The following NRXN1 variants were observed in gnomAD, a reference collection of about 807,000 sequenced individuals.
The protein encoded by NRXN1 is neurexin-1.
Under a neutral mutation model 150.9 loss-of-function variants are expected in NRXN1, and 39 were observed. The ratio of observed to expected loss-of-function variants is 0.26; its 90% CI spans 0.20 to 0.34. NRXN1 has a LOEUF of 0.34. Among genes scored for constraint, NRXN1 ranks in the 10% least tolerant of loss-of-function variants. The pLI is 1.00. For synonymous variants in NRXN1, 924 were observed against 757.0 expected, an observed-to-expected ratio of 1.22 and a Z score of -3.62; for missense variants, 1,815 against 1,949.9, an observed-to-expected ratio of 0.93 and a Z score of 1.30.
intron 5 of NRXN1, among the ~76,000 whole-genome samples, chr2:50,725,569 G>A (rs1444860127): frequency 1.3e-5 from 2 of 152,070 alleles, no homozygotes; most frequent in East Asian, 1.9e-4. Flanking sequence ...GGTGTTAACT[G>A]GGTAATTTTT....
chr2:50,181,201 CT>C (rs1324749878), intron 18 of NRXN1, among the ~76,000 whole-genome samples: 2 of 151,688 alleles, frequency 1.3e-5, no homozygotes, highest in Non-Finnish European at 2.9e-5. Context: ...AAAGAGAAGT[CT>C]TAACTATCTT....
intron 19 of NRXN1, among the ~76,000 whole-genome samples, chr2:50,057,454 T>G: frequency 6.6e-6 from 1 of 152,204 alleles, no homozygotes; most frequent in East Asian, 1.9e-4. Context: ...CAGGTTACAT[T>G]AGGACACTTG....
At chr2:50,355,283 T>G (rs1189360748) in intron 17 of NRXN1, among the ~76,000 whole-genome samples, 1 of 93,058 alleles carries the variant, frequency 1.1e-5, no homozygotes, top group African/African-American at 6.5e-5. Flanking sequence ...ATACAATATT[T>G]ATATATACAT....
At chr2:50,617,609 G>A (rs1170261414) in intron 8 of NRXN1, among the ~76,000 whole-genome samples, 1 of 152,156 alleles carries the variant, frequency 6.6e-6, no homozygotes, top group Non-Finnish European at 1.5e-5. Flanking sequence ...AGACAGAGTT[G>A]GAAAGTGTCC....
chr2:50,395,098 T>A (rs576648157), intron 17 of NRXN1, among the ~76,000 whole-genome samples: 21 of 152,220 alleles, frequency 1.4e-4, no homozygotes, highest in African/African-American at 4.8e-4. Flanking sequence ...TATTATATTA[T>A]ACTCACATCA....
At chr2:50,228,580 T>C (rs997146142) in intron 18 of NRXN1, among the ~76,000 whole-genome samples, 3 of 152,010 alleles carry the variant, frequency 2.0e-5, no homozygotes, top group African/African-American at 4.8e-5. Flanking sequence ...GGGATGGAGA[T>C]GTGTCTTTGG....
At chr2:50,550,130 T>G (rs976640709) in intron 9 of NRXN1, among the ~76,000 whole-genome samples, 3 of 152,210 alleles carry the variant, frequency 2.0e-5, no homozygotes, top group African/African-American at 4.8e-5. Context: ...AATTCCTCAT[T>G]TCTAAGTGAA....
At chr2:50,273,037 AAAG>A (rs1445235785) in intron 17 of NRXN1, among the ~76,000 whole-genome samples, 1 of 152,192 alleles carries the variant, frequency 6.6e-6, no homozygotes, top group East Asian at 1.9e-4. Flanking sequence ...AAAAATTTTA[AAAG>A]AAGTGGCTCT....
intron 17 of NRXN1, among the ~76,000 whole-genome samples, chr2:50,461,554 A>G (rs1416062473): frequency 1.3e-5 from 2 of 152,000 alleles, no homozygotes; most frequent in Non-Finnish European, 2.9e-5. Flanking sequence ...ATTGTGTAGC[A>G]CACTGGTGTG....
intron 2 of NRXN1, among the ~76,000 whole-genome samples, chr2:50,981,399 A>G (rs1442569835): frequency 7.0e-6 from 1 of 142,134 alleles, no homozygotes; most frequent in Non-Finnish European, 1.5e-5. Flanking sequence ...CAGAGGTTGC[A>G]GTCAGCCAAG....
chr2:50,443,934 C>T (rs2086183429), intron 17 of NRXN1, among the ~76,000 whole-genome samples: 3 of 151,962 alleles, frequency 2.0e-5, no homozygotes, highest in Admixed American at 1.3e-4. Context: ...TGTTTAATTA[C>T]AAAAATGTAC....
Position 50,347,536 on chromosome 2 carries a change from T to TC in NRXN1, c.3365-110567dup. 9.7e-7 allele frequency: 1 copy of TC among 1,032,940 alleles called. No homozygotes were observed. The highest frequency in any genetic ancestry group is 1.2e-6 in the Non-Finnish European group (1 of 858,330). 64.0% of individuals were successfully genotyped at this position (1,032,940 alleles called of 1,614,324 possible). On this transcript the variant is annotated intron_variant, in intron 17 of 22. Coordinates refer to ENST00000401669, the MANE Select transcript of NRXN1 (RefSeq NM_001330078.2). The surrounding 1 kb of genome is among the most constrained non-coding windows in gnomAD (Gnocchi z 4.9). ...GCCGGCTCGCCCGCTAGCGCCAGCCTCCCCCGGGCAGCGCGCGGAGCAGCG... is the reference window on the plus strand; with the variant it reads ...GCCGGCTCGCCCGCTAGCGCCAGCCTCCCCCCGGGCAGCGCGCGGAGCAGCG...
intron 5 of NRXN1, among the ~76,000 whole-genome samples, chr2:50,721,212 G>A (rs1213786030): frequency 6.6e-6 from 1 of 152,078 alleles, no homozygotes; most frequent in African/African-American, 2.4e-5. Context: ...CCCAATCACA[G>A]AGCAGGGTGC....
chr2:50,355,760 G>A (rs558281017), intron 17 of NRXN1, among the ~76,000 whole-genome samples: 2 of 152,220 alleles, frequency 1.3e-5, no homozygotes, highest in East Asian at 1.9e-4. Context: ...AAAAAAGAGT[G>A]AGGATATGTA....
intron 17 of NRXN1, among the ~76,000 whole-genome samples, chr2:50,450,760 ACACAGTG>A (rs1361594994): frequency 1.3e-5 from 2 of 152,184 alleles, no homozygotes; most frequent in African/African-American, 4.8e-5. Flanking sequence ...TTAAAGTCAC[ACACAGTG>A]CAGGTATCAG....
chr2:50,810,926 G>A (rs181685077), intron 5 of NRXN1, among the ~76,000 whole-genome samples: 387 of 152,000 alleles, frequency 2.5e-3, no homozygotes, highest in African/African-American at 8.9e-3. Context: ...ATTGCAGTGA[G>A]CTGAGATCAC....
intron 13 of NRXN1, among the ~76,000 whole-genome samples, chr2:50,503,244 G>A (rs898050198): frequency 9.9e-5 from 15 of 151,624 alleles, no homozygotes; most frequent in Admixed American, 8.5e-4. Context: ...GGAGGCGGAG[G>A]CTGCAGTGAG....
intron 2 of NRXN1, among the ~76,000 whole-genome samples, chr2:50,994,058 G>A (rs1698928028): frequency 1.3e-5 from 2 of 151,872 alleles, no homozygotes; most frequent in South Asian, 4.2e-4. Context: ...GCCAGACATG[G>A]TTCTAAATCT....
chr2:50,248,107 G>C (rs970831372), intron 17 of NRXN1, among the ~76,000 whole-genome samples: 2 of 151,972 alleles, frequency 1.3e-5, no homozygotes, highest in Non-Finnish European at 2.9e-5. Flanking sequence ...CAAACACCTG[G>C]GCTCAAGCAA....
Sources: allele counts gnomAD v4.1 joint callset (sites outside exome capture counted in the v4.1 genomes callset), GRCh38; gene constraint gnomAD v4.1.1; non-coding constraint Gnocchi (gnomAD v3.1); transcripts MANE v1.5; gene names NCBI Gene and HGNC (gene_info 2026-07-23, HGNC 2026-07-21).